The following FAM118B variants were observed in gnomAD, a reference collection of about 807,000 sequenced individuals.
FAM118B encodes the protein protein FAM118B.
In FAM118B, 24 loss-of-function variants were observed where a neutral mutation model predicts 38.5. The observed-to-expected ratio is 0.62, with a 90% CI of 0.45 to 0.88. The LOEUF (loss-of-function observed/expected upper bound fraction) is 0.88. Ranked by LOEUF, FAM118B falls within the 40% of genes least tolerant of loss-of-function variation. FAM118B has a pLI of 0.00. For missense variants in FAM118B, 334 were observed against 420.0 expected (o/e 0.80, Z 1.79); for synonymous variants, 138 against 156.3 (o/e 0.88, Z 0.87).
At chr11:126,249,900 C>T (rs1950474597) in intron 4 of FAM118B, among the ~76,000 whole-genome samples, 1 of 152,062 alleles carries the variant, frequency 6.6e-6, no homozygotes, top group African/African-American at 2.4e-5. Flanking sequence ...ACCCCAGCTT[C>T]CCTTTAATAC....
rs1018156179 is a variant in FAM118B at position 126,252,516 on chromosome 11, CGGGA to C, written c.567+1786_568-1783del. 2.8e-4 allele frequency among the ~76,000 whole-genome samples: 43 copies of C among 152,012 alleles called. No individual in the cohort carries two copies. Among genetic ancestry groups the C allele is most frequent in the Non-Finnish European group, 5.1e-4 (35 of 67,962 alleles). ...ACCCCAGCACTTTGGGAAGCTGAGG[CGGGA>C]GGATCACTTGAGCCTAGTTCAAGAC... On this transcript the variant is annotated intron_variant, in intron 5 of 8. Coordinates refer to ENST00000533050, the MANE Select transcript of FAM118B (RefSeq NM_024556.4). This position sits in a 1 kb window ranked among gnomAD's most constrained non-coding sequence, Gnocchi z 4.7.
chr11:126,224,897 T>C lies in FAM118B; in HGVS notation c.-76-4328T>C, dbSNP rs1204089452. Among the ~76,000 whole-genome samples, 3 of 152,234 alleles carry C rather than the reference T, an allele frequency of 2.0e-5. No homozygotes were observed. In the East Asian group the frequency reaches 5.8e-4, roughly 29 times the overall value. ...AATTAGGCAGAGATCTCCCATCCCA[T>C]GAATGCTCTGCAGATGGTAACCTAT... On this transcript the variant is annotated intron_variant, in intron 1 of 8. Coordinates refer to ENST00000533050, the MANE Select transcript of FAM118B (RefSeq NM_024556.4).
chr11:126,232,929 C>T (rs982807630), intron 2 of FAM118B, among the ~76,000 whole-genome samples: 2 of 151,950 alleles, frequency 1.3e-5, no homozygotes, highest in Non-Finnish European at 2.9e-5. Flanking sequence ...TTGTTATAAG[C>T]AAACTGGGAA....
At chr11:126,246,606 T>G (rs965328238) in intron 4 of FAM118B, among the ~76,000 whole-genome samples, 5 of 152,146 alleles carry the variant, frequency 3.3e-5, no homozygotes, top group Admixed American at 1.3e-4. Flanking sequence ...ACAGGTTTTT[T>G]TTCTTTCTTT....
At position 126,235,826 on chromosome 11, in the gene FAM118B, A is replaced by G. The variant is rs568511465; in HGVS notation, c.86+739A>G. 3.6e-5 allele frequency among the ~76,000 whole-genome samples: 5 copies of G among 139,120 alleles called. No homozygotes were observed. The South Asian group carries it at 6.3e-4, about 17-fold the overall frequency. The allele number at this position is 139,120 out of a possible 152,430, so 91.3% of individuals were successfully genotyped here. ...GAGCCACTGTGCCCGGCCTGGTTCAATCCACTTTTAATATTTACATTATTA... is the reference window on the plus strand; with the variant it reads ...GAGCCACTGTGCCCGGCCTGGTTCAGTCCACTTTTAATATTTACATTATTA... On this transcript the variant is annotated intron_variant, in intron 3 of 8. Transcript: ENST00000533050.
intron 4 of FAM118B, among the ~76,000 whole-genome samples, chr11:126,247,614 C>T (rs1337812099): frequency 6.6e-6 from 1 of 152,054 alleles, no homozygotes; most frequent in Non-Finnish European, 1.5e-5. Context: ...AATCCCAACA[C>T]TTTGGGAGGC....
chr11:126,216,311 G>A (rs1949978217), intron 1 of FAM118B, among the ~76,000 whole-genome samples: 1 of 151,814 alleles, frequency 6.6e-6, no homozygotes, highest in African/African-American at 2.4e-5. Context: ...GAGAGATGGA[G>A]GTTGCGGTGA....
chr11:126,245,786 C>G (rs1003160384), intron 4 of FAM118B, among the ~76,000 whole-genome samples: 2 of 152,026 alleles, frequency 1.3e-5, no homozygotes, highest in African/African-American at 4.8e-5. Flanking sequence ...CACCTGAGGT[C>G]GGAAGTTCGA....
chr11:126,225,660 T>A (rs1342488058), intron 1 of FAM118B, among the ~76,000 whole-genome samples: 2 of 152,240 alleles, frequency 1.3e-5, no homozygotes, highest in Non-Finnish European at 2.9e-5. Flanking sequence ...TCTGAGTTGC[T>A]GTTCATTGTT....
At position 126,255,998 on chromosome 11, in the gene FAM118B, C is replaced by T. The variant is rs923188750; in HGVS notation, c.697-569C>T. On this transcript the variant is annotated intron_variant, in intron 6 of 8. Coordinates refer to ENST00000533050, the MANE Select transcript of FAM118B (RefSeq NM_024556.4). This position sits in a 1 kb window ranked among gnomAD's most constrained non-coding sequence, Gnocchi z 4.6. ...AAAAAAGTAAACTACTGGCCAAGTG[C>T]AGTGGCTCACGCCTGTAATCCCAGC... Among the ~76,000 whole-genome samples the T allele has an allele frequency of 6.6e-6, 1 of 151,750 alleles. No homozygotes were observed. Among genetic ancestry groups the T allele is most frequent in the Non-Finnish European group, 1.5e-5 (1 of 67,954 alleles).
chr11:126,233,234 G>A (rs1340822385), intron 2 of FAM118B, among the ~76,000 whole-genome samples: 1 of 152,146 alleles, frequency 6.6e-6, no homozygotes, highest in Non-Finnish European at 1.5e-5. Context: ...CCAACACTTT[G>A]GGAGGCTGAG....
intron 7 of FAM118B, chr11:126,260,547 A>T (rs1258434411): frequency 3.3e-5 from 5 of 151,240 alleles, no homozygotes; most frequent in South Asian, 2.1e-4. Context: ...AACGTCTGAT[A>T]TTTTTTTTGC....
At chr11:126,238,100 G>A (rs779309019) in intron 3 of FAM118B, among the ~76,000 whole-genome samples, 10 of 152,052 alleles carry the variant, frequency 6.6e-5, no homozygotes, top group East Asian at 1.9e-4. Flanking sequence ...GGTGGCTCAC[G>A]CCTGTAATCC....
At chr11:126,217,508 T>C (rs903008510) in intron 1 of FAM118B, among the ~76,000 whole-genome samples, 1 of 152,242 alleles carries the variant, frequency 6.6e-6, no homozygotes. Flanking sequence ...CCTTCACCTG[T>C]GTTTTTCATG....
rs140886332 is a variant in FAM118B, at chr11:126,220,733, C to A, written c.-76-8492C>A. 2.9e-3 allele frequency among the ~76,000 whole-genome samples: 434 copies of A among 152,168 alleles called. 4 individuals are homozygous for A. The highest frequency in any genetic ancestry group is 9.2e-3 in the African/African-American group (381 of 41,502). ...AAAAAGACTGATGCTACCTGCTTGG[C>A]AAAACCATGTTTTTAGAGCTATTTC... On this transcript the variant is annotated intron_variant, in intron 1 of 8. Coordinates refer to ENST00000533050, the MANE Select transcript of FAM118B (RefSeq NM_024556.4).
rs574169499 is a variant in FAM118B, at chr11:126,252,852, T to C, written c.568-1453T>C. On this transcript the variant is annotated intron_variant, in intron 5 of 8. Transcript: ENST00000533050. The surrounding 1 kb of genome is among the most constrained non-coding windows in gnomAD (Gnocchi z 4.7). ...GATTTTGAGACCAGCCTGTCCAACA[T>C]GGTGAAACCCCGTCTTTACTAAGAA... Among the ~76,000 whole-genome samples the C allele has an allele frequency of 1.1e-3, 167 of 152,252 alleles. No homozygotes were observed. The highest frequency in any genetic ancestry group is 1.8e-3 in the Admixed American group (27 of 15,282).
At chr11:126,243,859 G>A (rs897587213) in intron 4 of FAM118B, among the ~76,000 whole-genome samples, 2 of 148,318 alleles carry the variant, frequency 1.3e-5, no homozygotes, top group African/African-American at 5.0e-5. Context: ...AGCCAAGATC[G>A]CACCACTGCA....
upstream of FAM118B, chr11:126,211,763 G>C (rs1949879608): frequency 8.9e-7 from 1 of 1,129,690 alleles, no homozygotes; most frequent in Non-Finnish European, 1.2e-6. Flanking sequence ...CGTGGGGACG[G>C]TGCGCGCTCA....
intron 3 of FAM118B, among the ~76,000 whole-genome samples, chr11:126,235,318 CT>C (rs2135157211): frequency 6.6e-6 from 1 of 152,282 alleles, no homozygotes; most frequent in African/African-American, 2.4e-5. Flanking sequence ...GAGATAATCA[CT>C]TTCAACTTTA....
Sources: allele counts gnomAD v4.1 joint callset (sites outside exome capture counted in the v4.1 genomes callset), GRCh38; gene constraint gnomAD v4.1.1; non-coding constraint Gnocchi (gnomAD v3.1); transcripts MANE v1.5; gene names NCBI Gene and HGNC (gene_info 2026-07-23, HGNC 2026-07-21).